EFCAB6: variants seen among roughly 807,000 people sequenced by gnomAD.
EFCAB6 encodes the protein EF-hand calcium-binding domain-containing protein 6.
EFCAB6 carries 156 observed loss-of-function variants against 169.8 expected under a neutral mutation model. The ratio of observed to expected loss-of-function variants is 0.92; its 90% CI spans 0.81 to 1.05. The LOEUF (loss-of-function observed/expected upper bound fraction) is 1.05, where lower values mean the gene tolerates loss of function less well. Among genes scored for constraint, EFCAB6 ranks in the 50% least tolerant of loss-of-function variants. EFCAB6 has a pLI of 0.00. For missense variants in EFCAB6, 1,800 were observed against 1,829.1 expected, an observed-to-expected ratio of 0.98 and a Z score of 0.29; for synonymous variants, 698 against 676.4, an observed-to-expected ratio of 1.03 and a Z score of -0.50.
intron 2 of EFCAB6, among the ~76,000 whole-genome samples, chr22:43,805,667 C>A (rs1045644527): frequency 1.3e-5 from 2 of 151,990 alleles, no homozygotes; most frequent in Non-Finnish European, 2.9e-5. Context: ...ATTACAATAA[C>A]CTATTGTACA....
intron 2 of EFCAB6, among the ~76,000 whole-genome samples, chr22:43,797,633 A>C (rs960032320): frequency 4.6e-5 from 7 of 151,602 alleles, no homozygotes; most frequent in African/African-American, 7.3e-5. Context: ...ACACACACAC[A>C]CCCCTACTGT....
intron 9 of EFCAB6, among the ~76,000 whole-genome samples, chr22:43,713,800 T>C (rs1231348354): frequency 6.6e-6 from 1 of 152,134 alleles, no homozygotes; most frequent in Non-Finnish European, 1.5e-5. Flanking sequence ...GCAGTGAAAA[T>C]GATAACACAG....
At chr22:43,703,716 GA>G (rs113204539) in intron 10 of EFCAB6, among the ~76,000 whole-genome samples, 26 of 146,534 alleles carry the variant, frequency 1.8e-4, no homozygotes, top group East Asian at 8.0e-4. Context: ...TAACTGAACT[GA>G]AAAAAAAAAT....
chr22:43,536,340 C>G (rs1350270724), intron 29 of EFCAB6: 1 of 152,098 alleles, frequency 6.6e-6, no homozygotes, highest in Non-Finnish European at 1.5e-5. Flanking sequence ...TTAATAGGCT[C>G]TAACTTAAAG....
intron 17 of EFCAB6, among the ~76,000 whole-genome samples, chr22:43,640,132 A>G (rs772194507): frequency 6.6e-6 from 1 of 152,110 alleles, no homozygotes; most frequent in Non-Finnish European, 1.5e-5. Flanking sequence ...TTCATCTTAG[A>G]GTCTCTTAAG....
At chr22:43,711,693 T>C in intron 9 of EFCAB6, 70 bp from the exon 10 acceptor site, 1 of 1,532,056 alleles carries the variant, frequency 6.5e-7, no homozygotes, top group Non-Finnish European at 8.7e-7. Flanking sequence ...AACCATTTTA[T>C]TTTTACCAAA....
chr22:43,762,667 T>C (rs1053383026), intron 5 of EFCAB6, among the ~76,000 whole-genome samples: 3 of 152,248 alleles, frequency 2.0e-5, no homozygotes, highest in African/African-American at 7.2e-5. Context: ...ATCAGAAATC[T>C]TTCAAAGTTA....
intron 10 of EFCAB6, among the ~76,000 whole-genome samples, chr22:43,688,627 T>A (rs1044854061): frequency 2.5e-4 from 38 of 152,272 alleles, no homozygotes; most frequent in African/African-American, 8.4e-4. Context: ...CTCTCATCTG[T>A]AACATGAGAA....
At chr22:43,663,020 A>G (rs1603053424) in intron 17 of EFCAB6, among the ~76,000 whole-genome samples, 1 of 152,222 alleles carries the variant, frequency 6.6e-6, no homozygotes, top group East Asian at 1.9e-4. Context: ...TGTTTGTGAA[A>G]TGTGTATACT....
At chr22:43,660,881 T>C (rs2056969457) in intron 17 of EFCAB6, among the ~76,000 whole-genome samples, 1 of 152,146 alleles carries the variant, frequency 6.6e-6, no homozygotes, top group Non-Finnish European at 1.5e-5. Context: ...TGGACTCCTG[T>C]TCTCAGAGAC....
chr22:43,588,128 A>C (rs1382821261), intron 24 of EFCAB6, among the ~76,000 whole-genome samples: 1 of 152,208 alleles, frequency 6.6e-6, no homozygotes, highest in Non-Finnish European at 1.5e-5. Context: ...AGATACTGAC[A>C]TTGGGGGCCC....
intron 10 of EFCAB6, among the ~76,000 whole-genome samples, chr22:43,709,621 A>G (rs2059085528): frequency 6.6e-6 from 1 of 152,264 alleles, no homozygotes; most frequent in African/African-American, 2.4e-5. Context: ...ATGGAAGAGA[A>G]TGTGGAACAA....
chr22:43,720,350 T>A (rs1186061733), intron 8 of EFCAB6, among the ~76,000 whole-genome samples: 7 of 144,410 alleles, frequency 4.8e-5, no homozygotes, highest in Non-Finnish European at 7.5e-5. Flanking sequence ...TACAAAAGAT[T>A]AAAAAAAAAA....
At chr22:43,574,922 G>A (rs1029605475) in intron 26 of EFCAB6, among the ~76,000 whole-genome samples, 2 of 152,176 alleles carry the variant, frequency 1.3e-5, no homozygotes, top group African/African-American at 4.8e-5. Flanking sequence ...CACTGGTGGG[G>A]CTGTACATTG....
intron 3 of EFCAB6, among the ~76,000 whole-genome samples, chr22:43,778,840 ATAT>A (rs1300008128): frequency 2.0e-5 from 3 of 152,314 alleles, no homozygotes; most frequent in African/African-American, 7.2e-5. Context: ...CTGGTGGTAA[ATAT>A]TATTGACTTC....
At chr22:43,647,367 AT>A (rs35260743) in intron 17 of EFCAB6, among the ~76,000 whole-genome samples, 1 of 152,206 alleles carries the variant, frequency 6.6e-6, no homozygotes, top group Non-Finnish European at 1.5e-5. Flanking sequence ...TGGAAAATAT[AT>A]TTGTATTGAA....
chr22:43,755,234 C>T (rs947592815), intron 6 of EFCAB6, among the ~76,000 whole-genome samples: 1 of 152,230 alleles, frequency 6.6e-6, no homozygotes, highest in Non-Finnish European at 1.5e-5. Context: ...ACATTATCAT[C>T]TCCTCCCCGC....
chr22:43,659,141 G>GCT (rs2056887772), intron 17 of EFCAB6, among the ~76,000 whole-genome samples: 1 of 152,160 alleles, frequency 6.6e-6, no homozygotes, highest in Non-Finnish European at 1.5e-5. Flanking sequence ...TTTCTTATGC[G>GCT]CTCTCTCTGG....
chr22:43,685,934 T>C (rs914518684), intron 11 of EFCAB6, among the ~76,000 whole-genome samples: 1 of 152,192 alleles, frequency 6.6e-6, no homozygotes, highest in Non-Finnish European at 1.5e-5. Context: ...TGTGTTTTTA[T>C]GTTTCTCAAA....
Sources: allele counts gnomAD v4.1 joint callset (sites outside exome capture counted in the v4.1 genomes callset), GRCh38; gene constraint gnomAD v4.1.1; transcripts MANE v1.5; gene names NCBI Gene and HGNC (gene_info 2026-07-23, HGNC 2026-07-21).